Variants in UBE4A observed in about 807,000 individuals in gnomAD.
UBE4A encodes the protein ubiquitin conjugation factor E4 A.
In UBE4A, 48 loss-of-function variants were observed where a neutral mutation model predicts 117.9. The ratio of observed to expected loss-of-function variants is 0.41; its 90% confidence interval spans 0.32 to 0.52. The LOEUF (loss-of-function observed/expected upper bound fraction) is 0.52. Among genes scored for constraint, UBE4A ranks in the 20% least tolerant of loss-of-function variants. The probability of loss-of-function intolerance (pLI) is 0.33; values close to 1 mark genes in which losing one functional copy is unlikely to be tolerated. For missense variants in UBE4A, 1,067 were observed against 1,296.3 expected (o/e 0.82, Z 2.72); for synonymous variants, 407 against 450.0 (o/e 0.90, Z 1.21).
At chr11:118,391,692 A>G (rs11216867) in intron 18 of UBE4A, among the ~76,000 whole-genome samples, 46,356 of 150,694 alleles carry the variant, frequency 0.31, 7,533 homozygotes, top group East Asian at 0.58. Context: ...TACTCAGGAG[A>G]CTGAGGCAGG....
intron 12 of UBE4A, among the ~76,000 whole-genome samples, chr11:118,382,129 A>C (rs1455272410): frequency 1.3e-5 from 2 of 152,208 alleles, no homozygotes; most frequent in African/African-American, 4.8e-5. Context: ...CCATTTCTTC[A>C]CTGAGCTGAG....
chr11:118,382,291 G>T (rs1948711733), intron 12 of UBE4A, among the ~76,000 whole-genome samples: 1 of 152,152 alleles, frequency 6.6e-6, no homozygotes, highest in East Asian at 1.9e-4. Context: ...ATAGGAAGCA[G>T]TAAATAATGC....
chr11:118,388,161 ATTAT>A (rs1220806409), intron 16 of UBE4A, among the ~76,000 whole-genome samples: 45 of 152,224 alleles, frequency 3.0e-4, no homozygotes, highest in Non-Finnish European at 1.3e-4. Context: ...AACAAACTAA[ATTAT>A]TTAAGCAAAA....
chr11:118,367,417 A>G (rs531936278), intron 2 of UBE4A, among the ~76,000 whole-genome samples: 1 of 152,234 alleles, frequency 6.6e-6, no homozygotes, highest in South Asian at 2.1e-4. Context: ...TTTTTTACCT[A>G]TGAAATTTGT....
intron 2 of UBE4A, among the ~76,000 whole-genome samples, 185 bp downstream of exon 2, chr11:118,365,386 T>G (rs937034630): frequency 1.3e-5 from 2 of 152,194 alleles, no homozygotes; most frequent in Non-Finnish European, 2.9e-5. Context: ...GGTTTTGTTG[T>G]GAGTCCCTCC....
chr11:118,371,427 A>T (rs1948607752), intron 4 of UBE4A, 87 bp from the exon 5 acceptor site: 1 of 1,438,226 alleles, frequency 7.0e-7, no homozygotes, highest in East Asian at 2.3e-5. Flanking sequence ...TCTTGCTAAT[A>T]ACCTGTGTCA....
At chr11:118,381,074 C>T (rs1555126249) in intron 11 of UBE4A, among the ~76,000 whole-genome samples, 3 of 152,146 alleles carry the variant, frequency 2.0e-5, no homozygotes, top group African/African-American at 7.2e-5. Flanking sequence ...ACATATTAAT[C>T]TTTATTAGAG....
Position 118,399,179 on chromosome 11 carries a change from C to T in UBE4A, c.*2739C>T. ...CTTGCCTGGCAGTGTTTGTTCAAAA[C>T]TTGTATTTAATAAATGAACATCTGA... On this transcript the variant is annotated 3_prime_UTR_variant, in exon 20 of 20. Transcript: ENST00000252108. 2.6e-6 allele frequency: 1 copy of T among 390,684 alleles called. No individual in the cohort carries two copies. The highest frequency in any genetic ancestry group is 2.1e-5 in the African/African-American group (1 of 48,194). 24.2% of individuals were successfully genotyped at this position (390,684 alleles called of 1,614,324 possible).
chr11:118,386,375 A>C, intron 15 of UBE4A, 63 bp from the exon 16 acceptor site: 2 of 1,533,154 alleles, frequency 1.3e-6, no homozygotes, highest in East Asian at 2.5e-5. Flanking sequence ...AGGACCTCTT[A>C]AATGTCACGT....
intron 11 of UBE4A, among the ~76,000 whole-genome samples, chr11:118,380,351 A>G (rs1193999364): frequency 3.9e-5 from 6 of 152,038 alleles, no homozygotes; most frequent in African/African-American, 1.4e-4. Context: ...GGGAGGCCGA[A>G]ACAGGATGAT....
Position 118,384,841 on chromosome 11 carries a change from G to A in UBE4A, c.2308G>A (p.Asp770Asn), listed in dbSNP as rs1555126897. 1 of 1,612,600 alleles carries A rather than the reference G, an allele frequency of 6.2e-7. No homozygotes were observed. The highest frequency in any genetic ancestry group is 2.2e-5 in the East Asian group (1 of 44,814). The change falls in exon 15 of 20, where the codon GAC becomes AAC. Residue 770 changes from aspartate to asparagine, a missense_variant. Asp to Asn is a conservative substitution (Grantham distance 23). Transcript: ENST00000252108. ...GGGCTGGGACTTACAGGATTTGGCT[G>A]ACTATGCCTCTAAGAATTTAGAAGC... ...TYRESIKDLA[D>N]YASKNLEAMN...
At chr11:118,365,416 T>C (rs1025108640) in intron 2 of UBE4A, among the ~76,000 whole-genome samples, 7 of 152,116 alleles carry the variant, frequency 4.6e-5, no homozygotes, top group Admixed American at 4.6e-4. Context: ...TCCTCTCCAC[T>C]GTACAAAAAG....
intron 10 of UBE4A, among the ~76,000 whole-genome samples, chr11:118,376,942 G>C (rs983050010): frequency 2.6e-5 from 4 of 151,946 alleles, no homozygotes; most frequent in African/African-American, 7.3e-5. Context: ...GGTCTTAGCT[G>C]CTTCAGAGGC....
At chr11:118,383,875 A>G (rs1244201552) in intron 13 of UBE4A, among the ~76,000 whole-genome samples, 1 of 152,182 alleles carries the variant, frequency 6.6e-6, no homozygotes, top group Admixed American at 6.5e-5. Context: ...AAATGGGTCA[A>G]AGTGATGATT....
intron 10 of UBE4A, among the ~76,000 whole-genome samples, chr11:118,376,958 CAGG>C (rs1213985513): frequency 2.0e-5 from 3 of 151,676 alleles, no homozygotes; most frequent in African/African-American, 7.3e-5. Flanking sequence ...GAGGCTGAGG[CAGG>C]AGGATTGCTC....
intron 2 of UBE4A, among the ~76,000 whole-genome samples, chr11:118,367,162 T>C (rs1165677453): frequency 6.7e-6 from 1 of 149,414 alleles, no homozygotes; most frequent in Non-Finnish European, 1.5e-5. Context: ...ATCACACCAC[T>C]GCACTCCAGC....
chr11:118,392,995 A>G, intron 19 of UBE4A, 100 bp downstream of exon 19: 2 of 1,163,956 alleles, frequency 1.7e-6, no homozygotes, highest in Non-Finnish European at 2.4e-6. Context: ...CCCAACACAT[A>G]CCACATATTA....
Position 118,373,232 on chromosome 11 carries a change from T to C in UBE4A, c.868T>C (p.Leu290=). ...AGATCTAGAGCTCTGTCAGATCCTT[T>C]TGTATGCATATCTGGATATTCTTCT... The part of the protein sequence containing the change: ...IKDLELCQIL[L]YAYLDILLYF... The change falls in exon 7 of 20, where the codon TTG becomes CTG. Residue 290 remains leucine (L), a synonymous_variant. Coordinates refer to ENST00000252108, the MANE Select transcript of UBE4A (RefSeq NM_001204077.2). 1 of 1,613,738 alleles carries C rather than the reference T, an allele frequency of 6.2e-7. No homozygotes were observed. Among genetic ancestry groups the C allele is most frequent in the South Asian group, 1.1e-5 (1 of 91,072 alleles).
intron 2 of UBE4A, 131 bp downstream of exon 2, chr11:118,365,332 T>A: frequency 7.5e-7 from 1 of 1,335,130 alleles, no homozygotes; most frequent in Middle Eastern, 2.3e-4. Flanking sequence ...GTTTGTTTGT[T>A]GAGAGCAGAA....
Sources: allele counts gnomAD v4.1 joint callset (sites outside exome capture counted in the v4.1 genomes callset), GRCh38; gene constraint gnomAD v4.1.1; transcripts MANE v1.5; gene names NCBI Gene and HGNC (gene_info 2026-07-23, HGNC 2026-07-21).